The following GRM7 variants were observed in gnomAD, a reference collection of about 807,000 sequenced individuals.
GRM7 encodes the protein glutamate metabotropic receptor 7, also known as metabotropic glutamate receptor 7.
A neutral mutation model predicts 84.5 loss-of-function variants in GRM7; 35 were observed. That is an observed-to-expected ratio of 0.41 (90% CI 0.32 to 0.55). The LOEUF is 0.55. Ranked by LOEUF, GRM7 falls within the 20% of genes least tolerant of loss-of-function variation. GRM7 has a pLI of 0.19. For missense variants in GRM7, 1,003 were observed against 1,194.6 expected, an observed-to-expected ratio of 0.84 and a Z score of 2.36; for synonymous variants, 487 against 455.1, an observed-to-expected ratio of 1.07 and a Z score of -0.89.
rs545980232 is a variant in GRM7 at position 7,487,197 on chromosome 3, A to C, written c.1515+25475A>C. On this transcript the variant is annotated intron_variant, in intron 7 of 9. Coordinates refer to ENST00000357716, the MANE Select transcript of GRM7 (RefSeq NM_000844.4). ...AAAATATAGAAGGAACTGTGTGGCT[A>C]CTTTTGGCTGCTTAAGCTGAGATTC... Among the ~76,000 whole-genome samples, 109 of 152,310 alleles carry C rather than the reference A, an allele frequency of 7.2e-4. 2 individuals are homozygous for C. Among genetic ancestry groups the C allele is most frequent in the African/African-American group, 2.6e-3 (108 of 41,580 alleles).
chr3:7,497,616 T>C (rs543012337), intron 7 of GRM7, among the ~76,000 whole-genome samples: 1 of 152,316 alleles, frequency 6.6e-6, no homozygotes, highest in African/African-American at 2.4e-5. Context: ...TTGTGCCCTT[T>C]AATAAGAAGA....
intron 1 of GRM7, among the ~76,000 whole-genome samples, chr3:7,037,993 GTTT>G (rs1202387657): frequency 6.6e-6 from 1 of 152,182 alleles, no homozygotes; most frequent in South Asian, 2.1e-4. Context: ...TAAAGAGGTA[GTTT>G]TTTTCTTCTG....
rs145687641 is a variant in GRM7, at chr3:7,171,486, T to C, written c.736+24818T>C. Among the ~76,000 whole-genome samples, 61 of 152,310 alleles carry C rather than the reference T, an allele frequency of 4.0e-4. 3 individuals carry two copies. In the East Asian group the frequency reaches 0.011, roughly 28 times the overall value. On this transcript the variant is annotated intron_variant, in intron 2 of 9. Coordinates refer to ENST00000357716, the MANE Select transcript of GRM7 (RefSeq NM_000844.4). ...GGAGTCATAATTCAACTCACAGCTATAGATTTTATGGCACCACACACTTCC... is the reference window on the plus strand; with the variant it reads ...GGAGTCATAATTCAACTCACAGCTACAGATTTTATGGCACCACACACTTCC...
chr3:7,518,078 T>G (rs1344561987), intron 7 of GRM7, among the ~76,000 whole-genome samples: 1 of 152,182 alleles, frequency 6.6e-6, no homozygotes, highest in Non-Finnish European at 1.5e-5. Flanking sequence ...GGATAATTCA[T>G]TTCTCAGACA....
At chr3:6,919,437 A>AC (rs1697049466) in intron 1 of GRM7, among the ~76,000 whole-genome samples, 2 of 147,278 alleles carry the variant, frequency 1.4e-5, no homozygotes, top group South Asian at 4.3e-4. Flanking sequence ...CAAACTCCTG[A>AC]CCTCAGGTGA....
chr3:7,348,236 A>C (rs1429226143), intron 4 of GRM7, among the ~76,000 whole-genome samples: 1 of 152,082 alleles, frequency 6.6e-6, no homozygotes, highest in Non-Finnish European at 1.5e-5. Flanking sequence ...TTCAGTTTGT[A>C]TCTTGACACT....
At chr3:7,319,896 C>T (rs1700712917) in intron 4 of GRM7, among the ~76,000 whole-genome samples, 1 of 151,714 alleles carries the variant, frequency 6.6e-6, no homozygotes, top group South Asian at 2.1e-4. Context: ...TTAAATGTAC[C>T]ACTCAATGGC....
intron 1 of GRM7, among the ~76,000 whole-genome samples, chr3:6,915,177 T>A (rs962760623): frequency 7.2e-5 from 11 of 152,232 alleles, no homozygotes; most frequent in African/African-American, 2.4e-4. Context: ...TATGATTTTG[T>A]GATGAATCTT....
intron 1 of GRM7, among the ~76,000 whole-genome samples, chr3:7,082,406 T>C (rs548607739): frequency 6.6e-6 from 1 of 151,176 alleles, no homozygotes; most frequent in African/African-American, 2.4e-5. Context: ...TACTACTCGG[T>C]AAAAAAAAAG....
intron 4 of GRM7, among the ~76,000 whole-genome samples, chr3:7,329,673 A>G (rs937937472): frequency 6.6e-6 from 1 of 152,196 alleles, no homozygotes; most frequent in Non-Finnish European, 1.5e-5. Flanking sequence ...GTAACTTAAA[A>G]GTATACCTGG....
chr3:7,428,270 A>G (rs984068373), intron 5 of GRM7, among the ~76,000 whole-genome samples: 1 of 148,850 alleles, frequency 6.7e-6, no homozygotes, highest in Admixed American at 6.6e-5. Flanking sequence ...TGGGCAAAGA[A>G]AAGACTGTCC....
intron 9 of GRM7, among the ~76,000 whole-genome samples, chr3:7,696,984 C>T (rs769500076): frequency 8.5e-5 from 13 of 152,108 alleles, no homozygotes; most frequent in Non-Finnish European, 1.6e-4. Flanking sequence ...GTTGAGTACA[C>T]TACAGCTAAA....
chr3:6,952,345 T>G (rs951377378), intron 1 of GRM7, among the ~76,000 whole-genome samples: 2 of 150,354 alleles, frequency 1.3e-5, no homozygotes, highest in Non-Finnish European at 3.0e-5. Flanking sequence ...CCTCTAAACC[T>G]TGTTTTTTCT....
intron 5 of GRM7, among the ~76,000 whole-genome samples, chr3:7,416,789 TGACTA>T (rs1696178643): frequency 6.6e-6 from 1 of 152,092 alleles, no homozygotes; most frequent in Non-Finnish European, 1.5e-5. Context: ...AATTTAATAT[TGACTA>T]GACCTAGGCG....
chr3:7,533,656 A>T (rs868502017), intron 7 of GRM7, among the ~76,000 whole-genome samples: 1 of 152,192 alleles, frequency 6.6e-6, no homozygotes, highest in Non-Finnish European at 1.5e-5. Context: ...AGGAAAAGCA[A>T]ACTTTCCTGA....
chr3:6,916,540 A>C (rs552673521), intron 1 of GRM7, among the ~76,000 whole-genome samples: 14 of 152,264 alleles, frequency 9.2e-5, no homozygotes, highest in African/African-American at 2.4e-4. Flanking sequence ...GTCCACAATC[A>C]AGGTGCCAGC....
intron 9 of GRM7, among the ~76,000 whole-genome samples, chr3:7,685,620 A>G (rs1700550771): frequency 6.6e-6 from 1 of 152,160 alleles, no homozygotes; most frequent in Non-Finnish European, 1.5e-5. Flanking sequence ...AACAATTTGT[A>G]CCTGAAATAC....
intron 1 of GRM7, among the ~76,000 whole-genome samples, chr3:6,971,360 C>T (rs752897147): frequency 6.6e-6 from 1 of 152,112 alleles, no homozygotes; most frequent in Non-Finnish European, 1.5e-5. Flanking sequence ...CAAGTACAGT[C>T]CGAAGAACTT....
chr3:6,933,024 G>A (rs1697564840), intron 1 of GRM7, among the ~76,000 whole-genome samples: 2 of 151,950 alleles, frequency 1.3e-5, no homozygotes, highest in Admixed American at 6.6e-5. Context: ...CAAAGTGCTG[G>A]GATTGCAGGC....
Sources: allele counts gnomAD v4.1 joint callset (sites outside exome capture counted in the v4.1 genomes callset), GRCh38; gene constraint gnomAD v4.1.1; transcripts MANE v1.5; gene names NCBI Gene and HGNC (gene_info 2026-07-23, HGNC 2026-07-21).